Variants in TRPC7 observed in about 807,000 individuals in gnomAD.
The protein encoded by TRPC7 is transient receptor potential cation channel subfamily C member 7.
In TRPC7, 42 loss-of-function variants were observed where a neutral mutation model predicts 90.1. That is an observed-to-expected ratio of 0.47 (90% CI 0.36 to 0.60). TRPC7 has a LOEUF of 0.60. TRPC7 is among the 20% of genes least tolerant of loss of function. The pLI, the probability that TRPC7 is intolerant of heterozygous loss-of-function variation, is 0.00. For synonymous variants in TRPC7, 451 were observed against 436.3 expected, an observed-to-expected ratio of 1.03 and a Z score of -0.42; for missense variants, 955 against 1,112.3, an observed-to-expected ratio of 0.86 and a Z score of 2.01.
At chr5:136,281,656 C>T (rs1489306332) in intron 3 of TRPC7, among the ~76,000 whole-genome samples, 5 of 152,118 alleles carry the variant, frequency 3.3e-5, no homozygotes, top group East Asian at 3.9e-4. Context: ...AGCCTGCCCA[C>T]GTGTCAATAC....
intron 5 of TRPC7, among the ~76,000 whole-genome samples, chr5:136,252,636 A>C (rs946586116): frequency 1.2e-4 from 1 of 8,640 alleles, no homozygotes; most frequent in Non-Finnish European, 2.4e-4. Context: ...GTGGGGGTGG[A>C]GGGTGGGATA....
intron 10 of TRPC7, 131 bp downstream of exon 10, chr5:136,225,143 A>G (rs1308445751): frequency 8.6e-6 from 7 of 813,972 alleles, no homozygotes; most frequent in Admixed American, 2.7e-5. Flanking sequence ...TAAGTACTCA[A>G]TAAATATTTG....
chr5:136,326,160 G>A (rs1759336892), intron 2 of TRPC7, among the ~76,000 whole-genome samples: 1 of 152,210 alleles, frequency 6.6e-6, no homozygotes, highest in African/African-American at 2.4e-5. Context: ...TGCCCACCTT[G>A]TGGAGCGCTT....
chr5:136,233,599 G>A (rs1755884415), intron 7 of TRPC7, among the ~76,000 whole-genome samples: 5 of 152,202 alleles, frequency 3.3e-5, no homozygotes, highest in Admixed American at 3.3e-4. Context: ...GAAAACTGGA[G>A]AACAGTGTCT....
intron 1 of TRPC7, among the ~76,000 whole-genome samples, chr5:136,363,481 G>C (rs7444311): frequency 1.3e-5 from 2 of 151,476 alleles, no homozygotes; most frequent in Admixed American, 1.3e-4. Context: ...TTAAATAAAA[G>C]AAAAAAAAGA....
intron 5 of TRPC7, among the ~76,000 whole-genome samples, chr5:136,265,671 C>T (rs1048397292): frequency 1.6e-4 from 24 of 152,120 alleles, no homozygotes. Context: ...GCTCCAGTGG[C>T]AGACTGTGGC....
At chr5:136,274,903 C>A in intron 3 of TRPC7, 66 bp from the exon 4 acceptor site, 1 of 1,503,930 alleles carries the variant, frequency 6.6e-7, no homozygotes, top group South Asian at 1.3e-5. Flanking sequence ...AGCACTTGAA[C>A]AGTATACAAC....
intron 3 of TRPC7, among the ~76,000 whole-genome samples, chr5:136,306,755 G>T: frequency 6.6e-6 from 1 of 151,876 alleles, no homozygotes; most frequent in East Asian, 1.9e-4. Context: ...CCACCCTTAA[G>T]AGGGTGCTTT....
Position 136,301,215 on chromosome 5 carries a change from T to A in TRPC7, c.963+14382A>T, listed in dbSNP as rs368923133. Among the ~76,000 whole-genome samples the A allele has an allele frequency of 7.2e-5, 11 of 152,066 alleles. No individual in the cohort carries two copies. The East Asian group carries it at 1.7e-3, about 24-fold the overall frequency. On this transcript the variant is annotated intron_variant, in intron 3 of 11. Coordinates refer to ENST00000513104, the MANE Select transcript of TRPC7 (RefSeq NM_020389.3). ...CTAATTTTTATATTTTTAGTAGAGA[T>A]GGGGTTTCATCATGTTAGTCAGGCT...
intron 2 of TRPC7, among the ~76,000 whole-genome samples, chr5:136,343,453 AG>A (rs1472293003): frequency 2.6e-5 from 4 of 152,168 alleles, no homozygotes; most frequent in African/African-American, 9.7e-5. Context: ...TTAATCCAAA[AG>A]GGTCCTTCCC....
At chr5:136,315,964 A>G in intron 2 of TRPC7, 185 bp from the exon 3 acceptor site, 1 of 603,148 alleles carries the variant, frequency 1.7e-6, no homozygotes, top group South Asian at 2.1e-5. Flanking sequence ...TTGACACGTG[A>G]CCTGAAGGAC....
At chr5:136,223,482 G>T (rs554016297) in intron 10 of TRPC7, among the ~76,000 whole-genome samples, 3 of 151,958 alleles carry the variant, frequency 2.0e-5, no homozygotes, top group East Asian at 1.9e-4. Context: ...GCATGGTGGC[G>T]CATGCCTGTA....
intron 2 of TRPC7, among the ~76,000 whole-genome samples, chr5:136,328,999 A>G (rs1261352840): frequency 3.3e-5 from 5 of 152,226 alleles, no homozygotes; most frequent in Non-Finnish European, 5.9e-5. Flanking sequence ...TCTGCAGGTC[A>G]CTGCGCACCA....
Position 136,303,100 on chromosome 5 carries a change from T to TCGA in TRPC7, c.963+12496_963+12497insTCG, listed in dbSNP as rs1561709966. Among the ~76,000 whole-genome samples the TCGA allele has an allele frequency of 2.6e-5, 4 of 152,172 alleles. No homozygotes were observed. The South Asian group carries it at 8.3e-4, about 32-fold the overall frequency. On this transcript the variant is annotated intron_variant, in intron 3 of 11. Coordinates refer to ENST00000513104, the MANE Select transcript of TRPC7 (RefSeq NM_020389.3). ...ATTCCGTGACTAGCCCTCCCCCACC[T>TCGA]GCCCAGCAATTTACTCGAAAAGGTG...
chr5:136,301,624 T>G (rs1049465448), intron 3 of TRPC7, among the ~76,000 whole-genome samples: 1 of 152,130 alleles, frequency 6.6e-6, no homozygotes, highest in Non-Finnish European at 1.5e-5. Context: ...CTTCCCACCC[T>G]TGAGAATGTA....
intron 1 of TRPC7, among the ~76,000 whole-genome samples, chr5:136,358,608 A>G (rs1342308195): frequency 6.6e-6 from 1 of 152,186 alleles, no homozygotes; most frequent in African/African-American, 2.4e-5. Flanking sequence ...TTGAAACAGC[A>G]AACTAGAGAC....
rs534381303 is a variant in TRPC7, at chr5:136,212,805, C to T, written c.*630G>A. Among the ~76,000 whole-genome samples, 1 of 152,202 alleles carries T rather than the reference C, an allele frequency of 6.6e-6. No individual in the cohort carries two copies. The highest frequency in any genetic ancestry group is 1.5e-5 in the Non-Finnish European group (1 of 68,030). ...GTAAAAATAGTAAATACAAGATAAT[C>T]TTAATAAAGGTAAAAATACATCATT... On this transcript the variant is annotated 3_prime_UTR_variant, in exon 12 of 12. Coordinates refer to ENST00000513104, the MANE Select transcript of TRPC7 (RefSeq NM_020389.3).
Position 136,261,438 on chromosome 5 carries a change from C to T in TRPC7, c.1345+4782G>A, listed in dbSNP as rs756221880. On this transcript the variant is annotated intron_variant, in intron 5 of 11. Transcript: ENST00000513104. The stretch of plus-strand genomic sequence containing the variant: ...GTGCTGTCAACTCCACCTTTTCTCC[C>T]GTTACAATGAGTGAAGTGTTCACAC... 1.1e-4 allele frequency among the ~76,000 whole-genome samples: 17 copies of T among 152,300 alleles called. No individual in the cohort carries two copies. In the East Asian group the frequency reaches 1.9e-3, roughly 17 times the overall value.
intron 4 of TRPC7, 131 bp downstream of exon 4, chr5:136,274,541 CG>C: frequency 1.0e-6 from 1 of 990,764 alleles, no homozygotes; most frequent in Non-Finnish European, 1.3e-6. Context: ...CTACTTTCAC[CG>C]GGTATCTCAG....
Sources: allele counts gnomAD v4.1 joint callset (sites outside exome capture counted in the v4.1 genomes callset), GRCh38; gene constraint gnomAD v4.1.1; transcripts MANE v1.5; gene names NCBI Gene and HGNC (gene_info 2026-07-23, HGNC 2026-07-21).